Variants in ZNF610 observed in about 807,000 individuals in gnomAD.
ZNF610 encodes the protein zinc finger protein 610.
In ZNF610, 14 loss-of-function variants were observed where a neutral mutation model predicts 14.1. The ratio of observed to expected loss-of-function variants is 0.99; its 90% confidence interval spans 0.65 to 1.55. The LOEUF (loss-of-function observed/expected upper bound fraction) is 1.55, where lower values mean the gene tolerates loss of function less well. ZNF610 is among the 40% of genes most tolerant of loss of function. The pLI is 0.00. For missense variants in ZNF610, 530 were observed against 558.0 expected (o/e 0.95, Z 0.51); for synonymous variants, 185 against 187.6 (o/e 0.99, Z 0.11).
the ZNF610 span, among the ~76,000 whole-genome samples, chr19:52,330,674 C>T: frequency 1.7e-4 from 26 of 152,248 alleles, no homozygotes; most frequent in East Asian, 2.1e-3. Context: ...GTGCAGGACA[C>T]GCTGAGGTCT....
At chr19:52,340,238 G>T (rs757118347) in intron 1 of ZNF610, among the ~76,000 whole-genome samples, 1 of 152,104 alleles carries the variant, frequency 6.6e-6, no homozygotes, top group African/African-American at 2.4e-5. Flanking sequence ...TAAAAAATTA[G>T]CTGGGCGTAG....
rs1275435951 is a variant in ZNF610 at position 52,345,920 on chromosome 19, G to T, written c.-257-1787G>T. Among the ~76,000 whole-genome samples, 5 of 151,040 alleles carry T rather than the reference G, an allele frequency of 3.3e-5. No individual in the cohort carries two copies. In the East Asian group the frequency reaches 5.9e-4, roughly 18 times the overall value. On this transcript the variant is annotated intron_variant, in intron 1 of 5. Coordinates refer to ENST00000403906, the MANE Select transcript of ZNF610 (RefSeq NM_001161425.2). ...GGGGTTTCACCATGTTAGCCAGGAT[G>T]GTCTCGATCTCCTGACCTCGTGATC...
chr19:52,344,540 A>T (rs977425033), intron 1 of ZNF610, among the ~76,000 whole-genome samples: 1 of 152,124 alleles, frequency 6.6e-6, no homozygotes, highest in Non-Finnish European at 1.5e-5. Flanking sequence ...GAGCTGAGGC[A>T]TTTTGCAGAA....
intron 5 of ZNF610, among the ~76,000 whole-genome samples, chr19:52,354,580 A>ATTT (rs201439857): frequency 6.6e-4 from 81 of 123,634 alleles, no homozygotes; most frequent in Non-Finnish European, 8.9e-4. Context: ...AAGCCATACT[A>ATTT]TTTTTTTTTT....
chr19:52,355,740 C>G (rs1985492964), intron 5 of ZNF610, among the ~76,000 whole-genome samples: 2 of 152,252 alleles, frequency 1.3e-5, no homozygotes, highest in South Asian at 4.1e-4. Context: ...TCACAGAACT[C>G]AGTGAGACAC....
intron 5 of ZNF610, among the ~76,000 whole-genome samples, chr19:52,355,408 T>C (rs939181586): frequency 1.3e-5 from 2 of 152,308 alleles, no homozygotes; most frequent in East Asian, 3.9e-4. Flanking sequence ...TCTATTTGGA[T>C]GGGAAGAAGC....
At chr19:52,355,296 A>G (rs563428535) in intron 5 of ZNF610, among the ~76,000 whole-genome samples, 2 of 152,254 alleles carry the variant, frequency 1.3e-5, no homozygotes, top group South Asian at 4.2e-4. Context: ...CATTTCCTGT[A>G]ATGGGAAGAT....
At chr19:52,364,483 C>T (rs1985925680) in intron 5 of ZNF610, among the ~76,000 whole-genome samples, 1 of 152,150 alleles carries the variant, frequency 6.6e-6, no homozygotes. Flanking sequence ...AATTACCTTC[C>T]TCAGCTCTTC....
intron 5 of ZNF610, among the ~76,000 whole-genome samples, chr19:52,363,123 T>C (rs1418379376): frequency 1.4e-5 from 2 of 145,356 alleles, no homozygotes; most frequent in African/African-American, 2.6e-5. Context: ...TTTGGTTCTA[T>C]CCCCTTTTTT....
At chr19:52,355,541 T>C (rs1471082118) in intron 5 of ZNF610, among the ~76,000 whole-genome samples, 2 of 152,228 alleles carry the variant, frequency 1.3e-5, no homozygotes, top group African/African-American at 4.8e-5. Flanking sequence ...TTTTCTATAA[T>C]TCATTTCTAA....
In ZNF610 at chr19:52,365,104, C is replaced by T. The variant is rs777678810; in HGVS notation, c.320-594C>T. Among the ~76,000 whole-genome samples the T allele has an allele frequency of 2.1e-4, 32 of 152,176 alleles. 1 individual carries two copies. The highest frequency in any genetic ancestry group is 6.3e-4 in the African/African-American group (26 of 41,544). The stretch of plus-strand genomic sequence containing the variant: ...CTACTAAAAATACAAAAAAATTAGA[C>T]GAACGTGGTGGCGTGCGCCTGTAGT... On this transcript the variant is annotated intron_variant, in intron 5 of 5. Transcript: ENST00000403906.
chr19:52,360,735 C>T (rs1185270021), intron 5 of ZNF610, among the ~76,000 whole-genome samples: 3 of 152,142 alleles, frequency 2.0e-5, no homozygotes, highest in East Asian at 1.9e-4. Context: ...GTTGCAACAT[C>T]GTTGCATTCC....
chr19:52,361,263 C>G (rs1459601557), intron 5 of ZNF610, among the ~76,000 whole-genome samples: 1 of 151,618 alleles, frequency 6.6e-6, no homozygotes, highest in African/African-American at 2.4e-5. Context: ...ACTGCAACCT[C>G]CGCCTCCCAG....
rs1986170879 is a variant in ZNF610 at position 52,367,564 on chromosome 19, G to C, written c.*797G>C. 1 of 151,474 alleles carries C rather than the reference G, an allele frequency of 6.6e-6. No homozygotes were observed. Among genetic ancestry groups the C allele is most frequent in the Non-Finnish European group, 1.5e-5 (1 of 67,978 alleles). 9.4% of individuals were successfully genotyped at this position (151,474 alleles called of 1,614,324 possible). On this transcript the variant is annotated 3_prime_UTR_variant, in exon 6 of 6. Coordinates refer to ENST00000403906, the MANE Select transcript of ZNF610 (RefSeq NM_001161425.2). ...TTGAAGCAGCCAGAAAAGTGTGTGTGTGTGTATGTGTGTGAGACATAAAAC... is the reference window on the plus strand; with the variant it reads ...TTGAAGCAGCCAGAAAAGTGTGTGTCTGTGTATGTGTGTGAGACATAAAAC...
chr19:52,366,799 C>G lies in ZNF610; in HGVS notation c.*32C>G, dbSNP rs1054612. ...CAAAATCTTTAGTTAGAATTCACAC[C>G]TAGCACAACATTGGAGGACTCAGGA... On this transcript the variant is annotated 3_prime_UTR_variant, in exon 6 of 6. Coordinates refer to ENST00000403906, the MANE Select transcript of ZNF610 (RefSeq NM_001161425.2). 582,058 of 1,528,962 alleles carry G rather than the reference C, an allele frequency of 0.38. 113,224 individuals are homozygous for G. Among genetic ancestry groups the G allele is most frequent in the South Asian group, 0.51 (42,903 of 84,748 alleles). 94.7% of individuals were successfully genotyped at this position (1,528,962 alleles called of 1,614,324 possible).
chr19:52,347,133 A>T (rs1289190699), intron 1 of ZNF610: 2 of 152,222 alleles, frequency 1.3e-5, no homozygotes, highest in Non-Finnish European at 2.9e-5. Context: ...AGAAGAAGTC[A>T]TTGTTATCCC....
Position 52,362,086 on chromosome 19 carries a change from A to G in ZNF610, c.320-3612A>G, listed in dbSNP as rs184861663. On this transcript the variant is annotated intron_variant, in intron 5 of 5. Transcript: ENST00000403906. The stretch of plus-strand genomic sequence containing the variant: ...CAGGTGCATGGCACTGTGCCTTGCT[A>G]ACTAAAAAATAAATAAGCCAGCACT... Among the ~76,000 whole-genome samples the G allele has an allele frequency of 5.3e-5, 8 of 152,292 alleles. No individual in the cohort carries two copies. In the East Asian group the frequency reaches 1.5e-3, roughly 29 times the overall value.
chr19:52,367,448 A>G lies in ZNF610; in HGVS notation c.*681A>G, dbSNP rs1417088189. On this transcript the variant is annotated 3_prime_UTR_variant, in exon 6 of 6. Coordinates refer to ENST00000403906, the MANE Select transcript of ZNF610 (RefSeq NM_001161425.2). The stretch of plus-strand genomic sequence containing the variant: ...CCTAGTTTAAATTTTTCTTAGTGTG[A>G]ATGAATTACATCCTTTCTACCAGCG... 1 of 152,206 alleles carries G rather than the reference A, an allele frequency of 6.6e-6. No homozygotes were observed. Among genetic ancestry groups the G allele is most frequent in the Non-Finnish European group, 1.5e-5 (1 of 68,060 alleles). The allele number at this position is 152,206 out of a possible 1,614,324, so 9.4% of individuals were successfully genotyped here. A position where few individuals can be genotyped will look rare whatever the true frequency, so the allele number is the denominator to read the frequency against.
In ZNF610 at chr19:52,349,904, C is replaced by A. The variant is rs146985953; in HGVS notation, c.63+669C>A. Among the ~76,000 whole-genome samples, 792 of 152,244 alleles carry A rather than the reference C, an allele frequency of 5.2e-3. 6 individuals are homozygous for A. The highest frequency in any genetic ancestry group is 0.017 in the African/African-American group (714 of 41,542). On this transcript the variant is annotated intron_variant, in intron 3 of 5. Transcript: ENST00000403906. Reference sequence around the variant, plus strand: ...TATTAATGCACACAAGTACCTGGTACATTCTGGAAAAGGAGTTCAGGAAGG... The same window carrying A: ...TATTAATGCACACAAGTACCTGGTAAATTCTGGAAAAGGAGTTCAGGAAGG...
Sources: allele counts gnomAD v4.1 joint callset (sites outside exome capture counted in the v4.1 genomes callset), GRCh38; gene constraint gnomAD v4.1.1; transcripts MANE v1.5; gene names NCBI Gene and HGNC (gene_info 2026-07-23, HGNC 2026-07-21).